GNB4: variants seen among roughly 807,000 people sequenced by gnomAD.
The protein encoded by GNB4 is G protein subunit beta 4, also known as guanine nucleotide-binding protein subunit beta-4.
GNB4 carries 28 observed loss-of-function variants against 45.2 expected under a neutral mutation model. The ratio of observed to expected loss-of-function variants is 0.62; its 90% CI spans 0.46 to 0.85. The LOEUF is 0.85. Among genes scored for constraint, GNB4 ranks in the 40% least tolerant of loss-of-function variants. The pLI, the probability that GNB4 is intolerant of heterozygous loss-of-function variation, is 0.00. For synonymous variants in GNB4, 132 were observed against 143.7 expected (o/e 0.92, Z 0.58); for missense variants, 321 against 425.4 (o/e 0.75, Z 2.16).
the GNB4 span, among the ~76,000 whole-genome samples, chr3:179,485,547 A>G: frequency 6.6e-6 from 1 of 152,226 alleles, no homozygotes; most frequent in Admixed American, 6.5e-5. Context: ...GTTATGAAAC[A>G]TAAAGCAGGA....
the GNB4 span, among the ~76,000 whole-genome samples, chr3:179,520,574 A>G: frequency 5.3e-5 from 8 of 152,054 alleles, no homozygotes; most frequent in African/African-American, 1.9e-4. Context: ...CTCACTCTCT[A>G]CAGTTCTCAT....
intron 8 of GNB4, among the ~76,000 whole-genome samples, chr3:179,408,917 CAA>C (rs1158580320): frequency 6.6e-6 from 1 of 151,090 alleles, no homozygotes; most frequent in Non-Finnish European, 1.5e-5. Flanking sequence ...GAGGCTAAGA[CAA>C]AAGATCACTT....
the GNB4 span, among the ~76,000 whole-genome samples, chr3:179,476,851 G>A: frequency 6.6e-6 from 1 of 152,202 alleles, no homozygotes; most frequent in Admixed American, 6.5e-5. Flanking sequence ...AGGTCAGCCT[G>A]AAGTTTCTAA....
chr3:179,448,848 G>A (rs1355293543), intron 1 of GNB4, among the ~76,000 whole-genome samples: 1 of 152,194 alleles, frequency 6.6e-6, no homozygotes, highest in African/African-American at 2.4e-5. Context: ...GGAGGCTGAG[G>A]TGGGTGGACT....
chr3:179,451,174 CCCTCCCGGGCAGCGTCGG>C (rs1207937774), intron 1 of GNB4, 154 bp downstream of exon 1: 1 of 151,814 alleles, frequency 6.6e-6, no homozygotes, highest in Non-Finnish European at 1.5e-5. Flanking sequence ...CCCTCCTCGT[CCCTCCCGGGCAGCGTCGG>C]CCGCCCGAGC....
the GNB4 span, among the ~76,000 whole-genome samples, chr3:179,492,082 A>T: frequency 1.3e-5 from 2 of 152,196 alleles, no homozygotes; most frequent in Admixed American, 1.3e-4. Context: ...AAAATATTTT[A>T]CCTGGGCTCT....
chr3:179,448,286 T>C (rs1715787489), intron 1 of GNB4, among the ~76,000 whole-genome samples: 1 of 152,216 alleles, frequency 6.6e-6, no homozygotes, highest in African/African-American at 2.4e-5. Flanking sequence ...TTCATTTCTC[T>C]TCTTCCACGT....
At chr3:179,517,571 A>G in the GNB4 span, among the ~76,000 whole-genome samples, 10 of 152,272 alleles carry the variant, frequency 6.6e-5, no homozygotes, top group African/African-American at 2.2e-4. Context: ...AGATCCACCT[A>G]TGACCTCTGG....
At chr3:179,520,446 A>G in the GNB4 span, among the ~76,000 whole-genome samples, 1 of 152,040 alleles carries the variant, frequency 6.6e-6, no homozygotes, top group African/African-American at 2.4e-5. Flanking sequence ...CGTGCCCTAT[A>G]GCTTTTTTAT....
At chr3:179,478,108 C>G in the GNB4 span, among the ~76,000 whole-genome samples, 1 of 152,106 alleles carries the variant, frequency 6.6e-6, no homozygotes, top group Non-Finnish European at 1.5e-5. Context: ...GACAGAAGGG[C>G]AAGCGAAGAT....
intron 4 of GNB4, among the ~76,000 whole-genome samples, chr3:179,417,852 G>C (rs1714848291): frequency 6.6e-6 from 1 of 152,188 alleles, no homozygotes; most frequent in African/African-American, 2.4e-5. Context: ...ATCACTACAA[G>C]GTTTTACAAA....
rs1458070305 is a variant in GNB4 at position 179,428,484 on chromosome 3, A to G, written c.-42-2242T>C. On this transcript the variant is annotated intron_variant, in intron 1 of 9. Coordinates refer to ENST00000232564, the MANE Select transcript of GNB4 (RefSeq NM_021629.4). ...GCAACCTTAGCTGCCCTTGCTGACC[A>G]TTCCTGAGATATCCCTGGCCCCACA... 3.3e-5 allele frequency among the ~76,000 whole-genome samples: 5 copies of G among 152,258 alleles called. 1 individual carries two copies. Among genetic ancestry groups the G allele is most frequent in the African/African-American group, 1.2e-4 (5 of 41,554 alleles).
the GNB4 span, among the ~76,000 whole-genome samples, chr3:179,480,854 CTT>C: frequency 5.6e-5 from 7 of 124,982 alleles, no homozygotes; most frequent in Admixed American, 8.1e-5. Context: ...TTTTTTTTTT[CTT>C]TTTTTTTTTT....
the GNB4 span, among the ~76,000 whole-genome samples, chr3:179,460,320 T>G: frequency 3.3e-5 from 5 of 152,234 alleles, no homozygotes; most frequent in Non-Finnish European, 7.3e-5. Flanking sequence ...TTGTCAATTT[T>G]TATAAAATCT....
Position 179,413,425 on chromosome 3 carries a change from A to G in GNB4, c.686T>C (p.Ile229Thr), listed in dbSNP as rs1714707269. ...RQSFTGHVSDINAVSFFPNGY... is the reference protein window; with the variant it reads ...RQSFTGHVSDTNAVSFFPNGY... The stretch of plus-strand genomic sequence containing the variant: ...CTATTCACTTACACTGACAGCATTG[A>G]TATCTGAGACATGTCCCGTGAAAGA... The change falls in exon 8 of 10, where the codon ATC becomes ACC. Residue 229 changes from isoleucine to threonine, a missense_variant. Transcript: ENST00000232564. 2 of 1,613,452 alleles carry G rather than the reference A, an allele frequency of 1.2e-6. No homozygotes were observed. Among genetic ancestry groups the G allele is most frequent in the Non-Finnish European group, 1.7e-6 (2 of 1,179,352 alleles).
chr3:179,491,448 G>A, the GNB4 span, among the ~76,000 whole-genome samples: 1 of 152,194 alleles, frequency 6.6e-6, no homozygotes, highest in Non-Finnish European at 1.5e-5. Flanking sequence ...ACCTAGGGGA[G>A]TAGAGAAGGC....
At position 179,444,569 on chromosome 3, in the gene GNB4, C is replaced by T. The variant is rs181613476; in HGVS notation, c.-43+6777G>A. ...GTTCCATTTAAATACACAGTTTCAT[C>T]GGCACGGTGGCATGCACCTATAGTC... On this transcript the variant is annotated intron_variant, in intron 1 of 9. Coordinates refer to ENST00000232564, the MANE Select transcript of GNB4 (RefSeq NM_021629.4). 3.0e-3 allele frequency among the ~76,000 whole-genome samples: 460 copies of T among 151,912 alleles called. 5 individuals are homozygous for T. Among genetic ancestry groups the T allele is most frequent in the African/African-American group, 9.9e-3 (409 of 41,438 alleles).
At chr3:179,449,675 C>T (rs558045460) in intron 1 of GNB4, among the ~76,000 whole-genome samples, 3 of 152,330 alleles carry the variant, frequency 2.0e-5, no homozygotes, top group Non-Finnish European at 2.9e-5. Context: ...GAATAACTTA[C>T]AGCACTGCCC....
chr3:179,487,432 C>T, the GNB4 span, among the ~76,000 whole-genome samples: 8 of 152,082 alleles, frequency 5.3e-5, no homozygotes, highest in Admixed American at 2.6e-4. Context: ...TCCCTCTTGG[C>T]GAAGGGAACC....
Sources: gnomAD v4.1 joint callset for allele counts (sites outside exome capture counted in the v4.1 genomes callset) on GRCh38, gnomAD v4.1.1 for gene constraint, MANE v1.5 for transcripts, NCBI Gene and HGNC (gene_info 2026-07-23, HGNC 2026-07-21) for gene names.